COIL: variants seen among roughly 807,000 people sequenced by gnomAD.
COIL encodes coilin.
A neutral mutation model predicts 51.6 loss-of-function variants in COIL; 28 were observed. The observed-to-expected ratio is 0.54, with a 90% CI of 0.40 to 0.74. The LOEUF is 0.74. COIL is among the 30% of genes least tolerant of loss of function. The pLI is 0.00. For synonymous variants in COIL, 233 were observed against 255.8 expected (o/e 0.91, Z 0.85); for missense variants, 667 against 685.9 (o/e 0.97, Z 0.31).
intron 1 of COIL, 46 bp downstream of exon 1, chr17:56,960,729 C>A (rs1262118471): frequency 4.1e-6 from 6 of 1,446,998 alleles, no homozygotes; most frequent in Non-Finnish European, 5.5e-6. Context: ...CAGGCGCGTC[C>A]CCCGCCCGCC....
chr17:56,946,633 T>C (rs1190059372), intron 4 of COIL, 122 bp from the exon 5 acceptor site: 1 of 616,978 alleles, frequency 1.6e-6, no homozygotes, highest in Non-Finnish European at 2.8e-6. Flanking sequence ...GTGAATTTTA[T>C]CTCAGTTGAA....
In COIL at chr17:56,961,028, G is replaced by T. The variant is rs1283418504; in HGVS notation, c.-9C>A. ...GTCTCGGAAGCTGCCATCTTGCTTG[G>T]TGCTCAACGGAAGCCGAGAGATACC... On this transcript the variant is annotated 5_prime_UTR_variant, in exon 1 of 7. Transcript: ENST00000240316. 4 of 1,612,526 alleles carry T rather than the reference G, an allele frequency of 2.5e-6. No individual in the cohort carries two copies. The highest frequency in any genetic ancestry group is 2.5e-6 in the Non-Finnish European group (3 of 1,179,454).
intron 1 of COIL, among the ~76,000 whole-genome samples, chr17:56,959,125 G>A (rs893264447): frequency 6.6e-6 from 1 of 152,118 alleles, no homozygotes; most frequent in African/African-American, 2.4e-5. Flanking sequence ...TGAGAGGACA[G>A]CTTGAGCCCA....
Position 56,950,286 on chromosome 17 carries a change from G to C in COIL, c.956C>G (p.Ser319Cys), listed in dbSNP as rs1157180659. Residue 319 changes from serine to cysteine, a missense_variant, in exon 2 of 7, where the codon TCT (serine) becomes TGT (cysteine). Transcript: ENST00000240316. ...GCATTGGTCGTCTGACTCTGCACTA[G>C]AGTCTGAACTGGAAGATGTTGTTCC... Reference protein sequence around the residue: ...TSGTTSSSSDSSAESDDQCLM... With the variant: ...TSGTTSSSSDCSAESDDQCLM... 1 of 1,614,238 alleles carries C rather than the reference G, an allele frequency of 6.2e-7. No individual in the cohort carries two copies. Among genetic ancestry groups the C allele is most frequent in the Non-Finnish European group, 8.5e-7 (1 of 1,180,044 alleles).
intron 1 of COIL, among the ~76,000 whole-genome samples, chr17:56,955,357 C>T (rs951922268): frequency 1.3e-5 from 2 of 152,180 alleles, no homozygotes; most frequent in African/African-American, 4.8e-5. Flanking sequence ...AGCCACCATG[C>T]CCAGCTATCC....
intron 6 of COIL, chr17:56,941,282 G>A (rs1910142903): frequency 6.6e-6 from 1 of 152,230 alleles, no homozygotes; most frequent in East Asian, 1.9e-4. Flanking sequence ...TCTCGGGCCA[G>A]GCATGGTGGC....
chr17:56,944,436 CA>C (rs1439867232), intron 5 of COIL, among the ~76,000 whole-genome samples: 2 of 151,112 alleles, frequency 1.3e-5, no homozygotes, highest in Admixed American at 6.6e-5. Flanking sequence ...ACTAAAAATA[CA>C]AAAAATTAGC....
At chr17:56,943,217 C>T (rs1210605785) in intron 5 of COIL, among the ~76,000 whole-genome samples, 2 of 152,222 alleles carry the variant, frequency 1.3e-5, no homozygotes, top group Non-Finnish European at 2.9e-5. Context: ...CTGCTTTCTA[C>T]ATTTTATCCT....
intron 1 of COIL, among the ~76,000 whole-genome samples, chr17:56,954,841 A>C (rs1010953883): frequency 1.3e-5 from 2 of 152,028 alleles, no homozygotes; most frequent in Non-Finnish European, 2.9e-5. Context: ...ATTGAGAGGC[A>C]AAATACCATC....
Position 56,949,426 on chromosome 17 carries a change from C to T in COIL, c.1449G>A (p.Glu483=). 6.2e-7 allele frequency: 1 copy of T among 1,602,860 alleles called. No homozygotes were observed. Among genetic ancestry groups the T allele is most frequent in the South Asian group, 1.1e-5 (1 of 88,842 alleles). ...CATCAGGAGAGTAACTGGATGTTAG[C>T]TCCAAAAGCTAAAAAAGAAGAAAAA... ...VGEKIAFKLL[E]LTSSYSPDVS... Residue 483 remains glutamate (E), a synonymous_variant, in exon 4 of 7, where the codon GAG becomes GAA. Coordinates refer to ENST00000240316, the MANE Select transcript of COIL (RefSeq NM_004645.3).
chr17:56,943,109 T>C (rs761281944), intron 5 of COIL, among the ~76,000 whole-genome samples: 1 of 152,330 alleles, frequency 6.6e-6, no homozygotes, highest in Non-Finnish European at 1.5e-5. Context: ...CAGGGGGAGT[T>C]TGAACAGTGC....
rs934092357 is a variant in COIL, at chr17:56,960,768, C to A, written c.245+7G>T. 4 of 1,553,202 alleles carry A rather than the reference C, an allele frequency of 2.6e-6. No homozygotes were observed. Among genetic ancestry groups the A allele is most frequent in the Non-Finnish European group, 3.5e-6 (4 of 1,151,200 alleles). ...CACCCGGCCGTCCCGCTCCCTGCGC[C>A]GCGCACCTGAGGCAGTCGTTGTCTC... On this transcript the variant is annotated splice_region_variant and intron_variant, in intron 1 of 6. Transcript: ENST00000240316.
intron 5 of COIL, among the ~76,000 whole-genome samples, chr17:56,944,042 T>G (rs544788234): frequency 1.3e-5 from 2 of 151,446 alleles, no homozygotes; most frequent in Non-Finnish European, 2.9e-5. Flanking sequence ...TGTTTTGTTT[T>G]TTTTTTTTAC....
chr17:56,952,112 T>G (rs1354341820), intron 1 of COIL: 1 of 419,170 alleles, frequency 2.4e-6, no homozygotes, highest in African/African-American at 2.1e-5. Flanking sequence ...CCCAGCCCCA[T>G]CGTCCAGTTT....
At position 56,956,669 on chromosome 17, in the gene COIL, G is replaced by A. The variant is rs183745922; in HGVS notation, c.245+4106C>T. 1.0e-3 allele frequency among the ~76,000 whole-genome samples: 155 copies of A among 151,926 alleles called. 1 individual carries two copies. Among genetic ancestry groups the A allele is most frequent in the Admixed American group, 2.1e-3 (32 of 15,250 alleles). On this transcript the variant is annotated intron_variant, in intron 1 of 6. Coordinates refer to ENST00000240316, the MANE Select transcript of COIL (RefSeq NM_004645.3). Reference sequence around the variant, plus strand: ...CGCAGTGGCACCATCTCAACTCACCGAAGCCTTTACTTCCCAGGCTTAAAT... The same window carrying A: ...CGCAGTGGCACCATCTCAACTCACCAAAGCCTTTACTTCCCAGGCTTAAAT...
At chr17:56,939,351 T>C (rs1035166478) in intron 6 of COIL, among the ~76,000 whole-genome samples, 197 bp from the exon 7 acceptor site, 1 of 152,000 alleles carries the variant, frequency 6.6e-6, no homozygotes, top group Admixed American at 6.6e-5. Context: ...TCCCAGCAAT[T>C]TGGAAGGCCG....
intron 4 of COIL, among the ~76,000 whole-genome samples, chr17:56,947,760 T>C (rs971858804): frequency 2.5e-4 from 38 of 152,142 alleles, no homozygotes; most frequent in African/African-American, 8.9e-4. Context: ...CATGAGCCAC[T>C]GTGCCTGGCC....
intron 1 of COIL, 187 bp downstream of exon 1, chr17:56,960,588 T>C (rs1230270244): frequency 2.4e-6 from 1 of 417,294 alleles, no homozygotes; most frequent in East Asian, 3.7e-5. Context: ...CAAAGTTGAC[T>C]ACACCAATCA....
intron 1 of COIL, among the ~76,000 whole-genome samples, chr17:56,955,189 C>A (rs1362020925): frequency 6.6e-6 from 1 of 152,158 alleles, no homozygotes; most frequent in Admixed American, 6.5e-5. Context: ...CTCAGCCTCC[C>A]AAGTAGCTGG....
Sources: allele counts gnomAD v4.1 joint callset (sites outside exome capture counted in the v4.1 genomes callset), GRCh38; gene constraint gnomAD v4.1.1; transcripts MANE v1.5; gene names NCBI Gene and HGNC (gene_info 2026-07-23, HGNC 2026-07-21).